The following NR2F2 variants were observed in gnomAD, a reference collection of about 807,000 sequenced individuals.
The protein encoded by NR2F2 is nuclear receptor subfamily 2 group F member 2.
NR2F2 carries 2 observed loss-of-function variants against 34.8 expected under a neutral mutation model. The observed-to-expected ratio is 0.06, with a 90% confidence interval of 0.02 to 0.18. The LOEUF (loss-of-function observed/expected upper bound fraction) is 0.18. Ranked by LOEUF, NR2F2 falls within the 10% of genes least tolerant of loss-of-function variation. The probability of loss-of-function intolerance (pLI) is 1.00; values close to 1 mark genes in which losing one functional copy is unlikely to be tolerated. For synonymous variants in NR2F2, 274 were observed against 251.8 expected (o/e 1.09, Z -0.84); for missense variants, 300 against 580.1 (o/e 0.52, Z 4.96).
intron 2 of NR2F2, 37 bp from the exon 3 acceptor site, chr15:96,337,309 TTC>T (rs1899359511): frequency 1.3e-6 from 2 of 1,527,512 alleles, no homozygotes; most frequent in Admixed American, 1.8e-5. Flanking sequence ...CTTCTTCTTT[TTC>T]TTCTTCTTCT....
chr15:96,339,604 T>G lies in NR2F2; in HGVS notation c.*1982T>G, dbSNP rs911477171. 1.3e-5 allele frequency: 2 copies of G among 152,270 alleles called. No homozygotes were observed. The highest frequency in any genetic ancestry group is 1.3e-4 in the Admixed American group (2 of 15,296). The allele number at this position is 152,270 out of a possible 1,614,324, so 9.4% of individuals were successfully genotyped here. On this transcript the variant is annotated 3_prime_UTR_variant, in exon 3 of 3. Coordinates refer to ENST00000394166, the MANE Select transcript of NR2F2 (RefSeq NM_021005.4). ...GTACTGCTCTTGGGATCCTTTGTCC[T>G]TAGAAGCCAAATTAAGGAAGAGAAA...
rs769518278 is a variant in NR2F2, at chr15:96,334,267, A to G, written c.634A>G (p.Ile212Val). The G allele has an allele frequency of 5.0e-6, 8 of 1,614,148 alleles. No individual in the cohort carries two copies. Among genetic ancestry groups the G allele is most frequent in the Non-Finnish European group, 5.9e-6 (7 of 1,180,028 alleles). ...CAACAACATCATGGGTATCGAGAAC[A>G]TTTGCGAACTGGCCGCGAGGATGCT... ...QPNNIMGIEN[I>V]CELAARMLFS... The change falls in exon 2 of 3, where the codon ATT (isoleucine) becomes GTT (valine). Residue 212 changes from isoleucine to valine, a missense_variant. Coordinates refer to ENST00000394166, the MANE Select transcript of NR2F2 (RefSeq NM_021005.4).
rs1024596762 is a variant in NR2F2, at chr15:96,331,179, CGGCGGCCCG to C, written c.-917_-909del. 17 of 972,026 alleles carry C rather than the reference CGGCGGCCCG, an allele frequency of 1.7e-5. No homozygotes were observed. The highest frequency in any genetic ancestry group is 9.2e-5 in the South Asian group (2 of 21,856). 60.2% of individuals were successfully genotyped at this position (972,026 alleles called of 1,614,324 possible). On this transcript the variant is annotated 5_prime_UTR_variant, in exon 1 of 3. Transcript: ENST00000394166. The stretch of plus-strand genomic sequence containing the variant: ...GCTTCGGCGGCGGCTCCGGCGGCAG[CGGCGGCCCG>C]GGCGGCCCGCAGGGAACGGCGAGCG...
chr15:96,333,562 G>C (rs1262244706), intron 1 of NR2F2: 1 of 1,012,770 alleles, frequency 9.9e-7, no homozygotes, highest in East Asian at 9.5e-5. Flanking sequence ...GTCTCTCACT[G>C]GGGGGGTTCC....
In NR2F2 at chr15:96,337,821, TAAA is replaced by T. The variant is rs71803791; in HGVS notation, c.*212_*214del. On this transcript the variant is annotated 3_prime_UTR_variant, in exon 3 of 3. Transcript: ENST00000394166. ...TCAAATGAACTTTTACAGAATGCAT[TAAA>T]AAAAAAAAAAAACTCCTGTGTCGGT... The T allele has an allele frequency of 4.7e-3, 838 of 178,728 alleles. 1 individual carries two copies. The highest frequency in any genetic ancestry group is 0.02 in the East Asian group (170 of 8,622). The allele number at this position is 178,728 out of a possible 1,614,324, so 11.1% of individuals were successfully genotyped here.
In NR2F2 at chr15:96,332,039, AGCC is replaced by A. The variant is rs971956567; in HGVS notation, c.-57_-55del. The A allele has an allele frequency of 1.3e-5, 16 of 1,235,432 alleles. No individual in the cohort carries two copies. Among genetic ancestry groups the A allele is most frequent in the South Asian group, 9.5e-5 (3 of 31,632 alleles). 76.5% of individuals were successfully genotyped at this position (1,235,432 alleles called of 1,614,324 possible). ...GCGCGCCGGAGCCCGAGACCCGGGG[AGCC>A]GCCGCCGCCCCGCCGCCGCCCGCAG... On this transcript the variant is annotated 5_prime_UTR_variant, in exon 1 of 3. Transcript: ENST00000394166.
At chr15:96,326,082 G>C, upstream of NR2F2, 1 of 603,362 alleles carries the variant, frequency 1.7e-6, no homozygotes, top group Non-Finnish European at 3.0e-6. This position sits in a 1 kb window ranked among gnomAD's most constrained non-coding sequence, Gnocchi z 5.5. Flanking sequence ...GGCTGAGAGA[G>C]CCTAATACAT....
chr15:96,337,821 TAAAA>T lies in NR2F2; in HGVS notation c.*211_*214del, dbSNP rs71803791. ...TCAAATGAACTTTTACAGAATGCAT[TAAAA>T]AAAAAAAAAAACTCCTGTGTCGGTC... is the stretch of plus-strand genomic sequence containing the variant. On this transcript the variant is annotated 3_prime_UTR_variant, in exon 3 of 3. Transcript: ENST00000394166. 7.3e-5 allele frequency: 13 copies of T among 178,856 alleles called. No homozygotes were observed. The highest frequency in any genetic ancestry group is 4.6e-4 in the East Asian group (4 of 8,678). 11.1% of individuals were successfully genotyped at this position (178,856 alleles called of 1,614,324 possible).
upstream of NR2F2, among the ~76,000 whole-genome samples, chr15:96,329,456 T>C (rs1351297242): frequency 6.6e-6 from 1 of 152,234 alleles, no homozygotes; most frequent in Non-Finnish European, 1.5e-5. Flanking sequence ...GGCTTGGGTT[T>C]GGTTCTTGTG....
upstream of NR2F2, chr15:96,326,185 T>G: frequency 1.2e-6 from 1 of 817,836 alleles, no homozygotes; most frequent in Admixed American, 2.0e-5. The surrounding 1 kb of genome is among the most constrained non-coding windows in gnomAD (Gnocchi z 5.5). Flanking sequence ...GTTTGCACAA[T>G]CGCTTAGATA....
In NR2F2 at chr15:96,331,607, C is replaced by A; in HGVS notation, c.-499C>A. 8.3e-7 allele frequency: 1 copy of A among 1,210,862 alleles called. No individual in the cohort carries two copies. The highest frequency in any genetic ancestry group is 1.0e-6 in the Non-Finnish European group (1 of 971,358). 75.0% of individuals were successfully genotyped at this position (1,210,862 alleles called of 1,614,324 possible). Reference sequence around the variant, plus strand: ...CCTCCTCCTCCTCCTCCTCCGCCAACTCCTCGGCTGCACACCAGCTCTAAG... The same window carrying A: ...CCTCCTCCTCCTCCTCCTCCGCCAAATCCTCGGCTGCACACCAGCTCTAAG... On this transcript the variant is annotated 5_prime_UTR_variant, in exon 1 of 3. Transcript: ENST00000394166.
At chr15:96,337,198 C>T (rs1596431851) in intron 2 of NR2F2, 150 bp from the exon 3 acceptor site, 1 of 679,292 alleles carries the variant, frequency 1.5e-6, no homozygotes, top group Non-Finnish European at 2.3e-6. Context: ...GACATTTGCT[C>T]CAACTCCGGT....
chr15:96,337,332 TTAAA>T lies in NR2F2; in HGVS notation c.971-15_971-12del. 1 of 1,602,346 alleles carries T rather than the reference TTAAA, an allele frequency of 6.2e-7. No homozygotes were observed. Among genetic ancestry groups the T allele is most frequent in the Non-Finnish European group, 8.5e-7 (1 of 1,173,980 alleles). ...TTTTCTTCTTCTTCTTCTTCTGTTT[TTAAA>T]CTTTCTTCCAGATGCCTGTGGTCTC... On this transcript the variant is annotated splice_polypyrimidine_tract_variant and intron_variant, in intron 2 of 2. Transcript: ENST00000394166.
intron 2 of NR2F2, among the ~76,000 whole-genome samples, chr15:96,336,799 C>T (rs892162425): frequency 6.6e-6 from 1 of 151,992 alleles, no homozygotes; most frequent in Non-Finnish European, 1.5e-5. Flanking sequence ...TTTAAAGGGC[C>T]ACTTAAATCA....
chr15:96,337,478 C>T lies in NR2F2; in HGVS notation c.1101C>T (p.Leu367=). The change falls in exon 3 of 3, where the codon CTC becomes CTT. Residue 367 remains leucine (L), a synonymous_variant. Transcript: ENST00000394166. The part of the protein sequence containing the change: ...PTRFGKLLLR[L]PSLRTVSSSV... ...GATTCGGAAAGCTTTTGCTTCGCCT[C>T]CCTTCCCTCCGCACCGTCTCCTCCT... The T allele has an allele frequency of 6.2e-7, 1 of 1,614,140 alleles. No individual in the cohort carries two copies. The highest frequency in any genetic ancestry group is 8.5e-7 in the Non-Finnish European group (1 of 1,180,036).
Position 96,331,315 on chromosome 15 carries a change from C to G in NR2F2, c.-791C>G. ...CGGCGGCGGCCCAGCGCCAGGACGACGCCGCGCAGCGCCCGACGCGGACCA... is the reference window on the plus strand; with the variant it reads ...CGGCGGCGGCCCAGCGCCAGGACGAGGCCGCGCAGCGCCCGACGCGGACCA... On this transcript the variant is annotated 5_prime_UTR_variant, in exon 1 of 3. Transcript: ENST00000394166. 8.6e-7 allele frequency: 1 copy of G among 1,160,450 alleles called. No individual in the cohort carries two copies. Among genetic ancestry groups the G allele is most frequent in the South Asian group, 4.2e-5 (1 of 23,744 alleles). 71.9% of individuals were successfully genotyped at this position (1,160,450 alleles called of 1,614,324 possible).
rs1355548034 is a variant in NR2F2, at chr15:96,331,023, C to T, written c.-1083C>T. On this transcript the variant is annotated 5_prime_UTR_variant, in exon 1 of 3. Transcript: ENST00000394166. ...TTCTCCCCCGCCGCCGGCGAGTTGACTCTTTCCCTATGTGTGTGAGGCGGC... is the reference window on the plus strand; with the variant it reads ...TTCTCCCCCGCCGCCGGCGAGTTGATTCTTTCCCTATGTGTGTGAGGCGGC... 9.8e-6 allele frequency: 12 copies of T among 1,228,304 alleles called. No homozygotes were observed. The Admixed American group carries it at 1.7e-4, about 17-fold the overall frequency. The allele number at this position is 1,228,304 out of a possible 1,614,324, so 76.1% of individuals were successfully genotyped here. A position where few individuals can be genotyped will look rare whatever the true frequency, so the allele number is the denominator to read the frequency against.
In NR2F2 at chr15:96,331,215, C is replaced by T. The variant is rs2141165462; in HGVS notation, c.-891C>T. ...GCGGCCCGCAGGGAACGGCGAGCGG[C>T]CTCCACCCAGCGACTGCGGGCGGCG... On this transcript the variant is annotated 5_prime_UTR_variant, in exon 1 of 3. Coordinates refer to ENST00000394166, the MANE Select transcript of NR2F2 (RefSeq NM_021005.4). The T allele has an allele frequency of 1.0e-6, 1 of 979,262 alleles. No individual in the cohort carries two copies. The highest frequency in any genetic ancestry group is 1.8e-5 in the African/African-American group (1 of 56,526). The allele number at this position is 979,262 out of a possible 1,614,324, so 60.7% of individuals were successfully genotyped here.
At position 96,337,762 on chromosome 15, in the gene NR2F2, G is replaced by T; in HGVS notation, c.*140G>T. 1 of 585,522 alleles carries T rather than the reference G, an allele frequency of 1.7e-6. No individual in the cohort carries two copies. Among genetic ancestry groups the T allele is most frequent in the Non-Finnish European group, 2.5e-6 (1 of 401,354 alleles). The allele number at this position is 585,522 out of a possible 1,614,324, so 36.3% of individuals were successfully genotyped here. The stretch of plus-strand genomic sequence containing the variant: ...AAAGAAGAGAGGGGAAGAATTTAAT[G>T]GACTGTGAATTTCAAAAAAAAAAAA... On this transcript the variant is annotated 3_prime_UTR_variant, in exon 3 of 3. Coordinates refer to ENST00000394166, the MANE Select transcript of NR2F2 (RefSeq NM_021005.4).
Sources: allele counts gnomAD v4.1 joint callset (sites outside exome capture counted in the v4.1 genomes callset), GRCh38; gene constraint gnomAD v4.1.1; non-coding constraint Gnocchi (gnomAD v3.1); transcripts MANE v1.5; gene names NCBI Gene and HGNC (gene_info 2026-07-23, HGNC 2026-07-21).